The following MAD1L1 variants were observed in gnomAD, a reference collection of about 807,000 sequenced individuals.
MAD1L1 encodes mitotic arrest deficient 1 like 1.
MAD1L1 carries 95 observed loss-of-function variants against 96.9 expected under a neutral mutation model. That is an observed-to-expected ratio of 0.98 (90% confidence interval 0.83 to 1.16). MAD1L1 has a LOEUF of 1.16. Among genes scored for constraint, MAD1L1 ranks in the 50% most tolerant of loss-of-function variants. The pLI, the probability that MAD1L1 is intolerant of heterozygous loss-of-function variation, is 0.00. For missense variants in MAD1L1, 1,007 were observed against 954.4 expected (o/e 1.06, Z -0.73); for synonymous variants, 473 against 396.6 (o/e 1.19, Z -2.29).
At chr7:2,154,896 C>T (rs970575138) in intron 10 of MAD1L1, among the ~76,000 whole-genome samples, 3 of 152,144 alleles carry the variant, frequency 2.0e-5, no homozygotes, top group African/African-American at 7.2e-5. Context: ...GCCCTCTTCT[C>T]GTATTAACAG....
intron 10 of MAD1L1, among the ~76,000 whole-genome samples, chr7:2,185,480 A>G (rs1395155086): frequency 6.6e-6 from 1 of 152,140 alleles, no homozygotes; most frequent in African/African-American, 2.4e-5. Context: ...AGATCTGTCC[A>G]TTTCACTGTA....
intron 10 of MAD1L1, among the ~76,000 whole-genome samples, chr7:2,162,708 CAAAAA>C (rs200992128): frequency 2.1e-5 from 2 of 96,540 alleles, no homozygotes; most frequent in Non-Finnish European, 4.6e-5. Context: ...CCACCACTCA[CAAAAA>C]AAAAAAAAAA....
chr7:2,160,928 C>G (rs1790078171), intron 10 of MAD1L1, among the ~76,000 whole-genome samples: 2 of 152,016 alleles, frequency 1.3e-5, no homozygotes, highest in Non-Finnish European at 2.9e-5. Flanking sequence ...AAAAATAATT[C>G]CCACAACAAA....
intron 14 of MAD1L1, 146 bp from the exon 15 acceptor site, chr7:1,980,687 T>A (rs1310638141): frequency 1.4e-6 from 1 of 723,538 alleles, no homozygotes; most frequent in African/African-American, 1.7e-5. Flanking sequence ...CCTGGAAGCC[T>A]GAAGCTGCCA....
At chr7:1,934,042 G>A (rs986705610) in intron 17 of MAD1L1, among the ~76,000 whole-genome samples, 4 of 152,216 alleles carry the variant, frequency 2.6e-5, no homozygotes, top group African/African-American at 9.6e-5. Context: ...TCCCTCTGTG[G>A]GGTTAGGCCT....
chr7:2,118,649 G>A (rs1386318942), intron 11 of MAD1L1, among the ~76,000 whole-genome samples: 1 of 152,212 alleles, frequency 6.6e-6, no homozygotes, highest in Non-Finnish European at 1.5e-5. Context: ...GAAGGAACAG[G>A]GCCGTCCCTC....
rs1231409065 is a variant in MAD1L1 at position 1,942,693 on chromosome 7, G to A, written c.1597-5796C>T. ...CATGTCTCGGATCAGAAGACCCGGC[G>A]CTGTCGGGACCAGAGACTCCCAGGG... On this transcript the variant is annotated intron_variant, in intron 16 of 18. Coordinates refer to ENST00000265854, the MANE Select transcript of MAD1L1 (RefSeq NM_001013836.2). Among the ~76,000 whole-genome samples, 4 of 152,136 alleles carry A rather than the reference G, an allele frequency of 2.6e-5. No homozygotes were observed. In the South Asian group the frequency reaches 6.2e-4, roughly 24 times the overall value.
chr7:1,983,437 T>A (rs1781017775), intron 14 of MAD1L1, among the ~76,000 whole-genome samples: 1 of 152,234 alleles, frequency 6.6e-6, no homozygotes, highest in African/African-American at 2.4e-5. Context: ...TGTTTAAAAT[T>A]TCTCTCTCTT....
At chr7:1,887,933 GCA>G (rs559379248) in intron 18 of MAD1L1, among the ~76,000 whole-genome samples, 2 of 150,268 alleles carry the variant, frequency 1.3e-5, no homozygotes, top group African/African-American at 2.5e-5. Context: ...GGCTGCCTGT[GCA>G]CGTGTGTGTA....
intron 17 of MAD1L1, among the ~76,000 whole-genome samples, chr7:1,923,881 G>A (rs1788943890): frequency 6.6e-6 from 1 of 152,248 alleles, no homozygotes; most frequent in Non-Finnish European, 1.5e-5. Flanking sequence ...AGCCAGGACT[G>A]TGGAGGACAC....
At chr7:2,168,708 C>G (rs1366353479) in intron 10 of MAD1L1, among the ~76,000 whole-genome samples, 2 of 152,258 alleles carry the variant, frequency 1.3e-5, no homozygotes, top group Non-Finnish European at 2.9e-5. Flanking sequence ...GGACGATACT[C>G]CCGCGTGGAG....
chr7:1,858,734 G>A (rs1007585833), intron 18 of MAD1L1, among the ~76,000 whole-genome samples: 4 of 152,248 alleles, frequency 2.6e-5, no homozygotes, highest in African/African-American at 9.6e-5. Context: ...CCACAGGAAA[G>A]CCACAGAGGC....
intron 18 of MAD1L1, among the ~76,000 whole-genome samples, chr7:1,840,644 G>C (rs1188630705): frequency 6.6e-6 from 1 of 152,212 alleles, no homozygotes; most frequent in East Asian, 1.9e-4. Flanking sequence ...CAGGAGAATC[G>C]CTTGAGCCCG....
chr7:1,821,638 AAATC>A (rs1231171433), intron 18 of MAD1L1, among the ~76,000 whole-genome samples: 11 of 152,312 alleles, frequency 7.2e-5, no homozygotes, highest in Middle Eastern at 3.4e-3. Flanking sequence ...TCAAATTTGA[AAATC>A]AATCAATGTT....
At chr7:2,179,389 A>T (rs140648448) in intron 10 of MAD1L1, among the ~76,000 whole-genome samples, 68 of 152,030 alleles carry the variant, frequency 4.5e-4, no homozygotes, top group African/African-American at 1.1e-3. Context: ...TTAGCCGGGC[A>T]TGGTGGCGCA....
intron 7 of MAD1L1, among the ~76,000 whole-genome samples, chr7:2,217,542 T>C (rs1199749600): frequency 1.3e-5 from 2 of 152,166 alleles, no homozygotes; most frequent in Non-Finnish European, 2.9e-5. Context: ...GAGAGGGATC[T>C]GGAGTCAACG....
chr7:2,127,436 G>A (rs1202862775), intron 11 of MAD1L1, among the ~76,000 whole-genome samples: 2 of 152,200 alleles, frequency 1.3e-5, no homozygotes, highest in Non-Finnish European at 2.9e-5. Context: ...TGAGGGCAAT[G>A]GACACACAGC....
intron 12 of MAD1L1, among the ~76,000 whole-genome samples, chr7:2,045,816 G>A (rs767477096): frequency 2.6e-5 from 4 of 152,166 alleles, no homozygotes; most frequent in African/African-American, 7.2e-5. Flanking sequence ...TTCAGGGCCC[G>A]TCCCAGGCCT....
In MAD1L1 at chr7:2,099,751, G is replaced by C. The variant is rs373519324; in HGVS notation, c.1074-30413C>G. ...CCCGGGCCGTGGCTTCCTGTGAACA[G>C]TCCTCAGGCGTGAGCTCTCAACCCT... On this transcript the variant is annotated intron_variant, in intron 11 of 18. Coordinates refer to ENST00000265854, the MANE Select transcript of MAD1L1 (RefSeq NM_001013836.2). Among the ~76,000 whole-genome samples the C allele has an allele frequency of 4.7e-4, 71 of 152,352 alleles. 2 individuals are homozygous for C. In the East Asian group the frequency reaches 8.1e-3, roughly 17 times the overall value.
Sources: gnomAD v4.1 joint callset for allele counts (sites outside exome capture counted in the v4.1 genomes callset) on GRCh38, gnomAD v4.1.1 for gene constraint, MANE v1.5 for transcripts, NCBI Gene and HGNC (gene_info 2026-07-23, HGNC 2026-07-21) for gene names.